The following INTS1 variants were observed in gnomAD, a reference collection of about 807,000 sequenced individuals.
The protein encoded by INTS1 is integrator complex subunit 1.
In INTS1, 137 loss-of-function variants were observed where a neutral mutation model predicts 241.6. The ratio of observed to expected loss-of-function variants is 0.57; its 90% CI spans 0.49 to 0.65. INTS1 has a LOEUF of 0.65. INTS1 is among the 30% of genes least tolerant of loss of function. The pLI is 0.00. For missense variants in INTS1, 3,073 were observed against 3,032.2 expected, an observed-to-expected ratio of 1.01 and a Z score of -0.32; for synonymous variants, 1,692 against 1,337.8, an observed-to-expected ratio of 1.26 and a Z score of -5.78.
intron 39 of INTS1, among the ~76,000 whole-genome samples, chr7:1,475,651 G>A (rs1039458332): frequency 2.0e-5 from 3 of 152,136 alleles, no homozygotes; most frequent in Admixed American, 6.5e-5. Context: ...CAAACTGAAC[G>A]TGACCCCACG....
At position 1,479,481 on chromosome 7, in the gene INTS1, G is replaced by A. The variant is rs1781888836; in HGVS notation, c.4278C>T (p.His1426=). Residue 1426 remains histidine (H), a synonymous_variant, in exon 31 of 48, where the codon CAC becomes CAT. Coordinates refer to ENST00000404767, the MANE Select transcript of INTS1 (RefSeq NM_001080453.3). ...PHGGALVMSM[H]RSHFLACPLL... is the part of the protein sequence containing the mutation. ...GCGGGCAGGCCAGGAAGTGGCTACG[G>A]TGCATGGACATCACCAGGGCACCGC... 6.3e-7 allele frequency: 1 copy of A among 1,577,900 alleles called. No individual in the cohort carries two copies. The highest frequency in any genetic ancestry group is 2.3e-5 in the East Asian group (1 of 42,904).
intron 18 of INTS1, 80 bp from the exon 19 acceptor site, chr7:1,488,037 G>C (rs1354945713): frequency 1.4e-6 from 2 of 1,464,870 alleles, no homozygotes; most frequent in Non-Finnish European, 1.9e-6. Context: ...GGGTCAAGGA[G>C]GGTAAAACCC....
Position 1,474,237 on chromosome 7 carries a change from C to A in INTS1, c.5760G>T (p.Pro1920=), listed in dbSNP as rs769069843. The A allele has an allele frequency of 6.2e-7, 1 of 1,602,186 alleles. No homozygotes were observed. Among genetic ancestry groups the A allele is most frequent in the South Asian group, 1.1e-5 (1 of 90,796 alleles). ...HVLGLLELLQ[P]HVFRSEHQGA... Reference sequence around the variant, plus strand: ...CCTGGTGCTCGCTGCGGAACACGTGCGGCTGCAGCAGCTCCAGCAGGCCCA... The same window carrying A: ...CCTGGTGCTCGCTGCGGAACACGTGAGGCTGCAGCAGCTCCAGCAGGCCCA... Residue 1920 remains proline, a synonymous_variant, in exon 41 of 48, where the codon CCG becomes CCT. Transcript: ENST00000404767.
rs1023746009 is a variant in INTS1, at chr7:1,482,861, T to C, written c.3542-154A>G. ...TCCTGTGCTAGGTGAGCACTTGCTA[T>C]GTGCGGATGCTTTGCGTAGGTGCAC... On this transcript the variant is annotated intron_variant, in intron 26 of 47. Coordinates refer to ENST00000404767, the MANE Select transcript of INTS1 (RefSeq NM_001080453.3). 9 of 832,822 alleles carry C rather than the reference T, an allele frequency of 1.1e-5. No homozygotes were observed. In the African/African-American group the frequency reaches 1.4e-4, roughly 13 times the overall value. 51.6% of individuals were successfully genotyped at this position (832,822 alleles called of 1,614,324 possible).
Position 1,497,364 on chromosome 7 carries a change from G to C in INTS1, c.1426-50C>G, listed in dbSNP as rs952612118. 1.3e-6 allele frequency: 2 copies of C among 1,560,932 alleles called. No individual in the cohort carries two copies. Among genetic ancestry groups the C allele is most frequent in the Non-Finnish European group, 1.7e-6 (2 of 1,151,894 alleles). On this transcript the variant is annotated intron_variant, in intron 10 of 47. Transcript: ENST00000404767. The surrounding 1 kb of genome is among the most constrained non-coding windows in gnomAD (Gnocchi z 5.3). ...GAGGCTGCCCGACAGTGCTGTCCCT[G>C]TCACAGGCCCCTTCCCGCAGCACCA... is the stretch of plus-strand genomic sequence containing the variant.
chr7:1,493,644 C>G lies in INTS1; in HGVS notation c.2068+110G>C, dbSNP rs575660809. The G allele has an allele frequency of 1.4e-6, 2 of 1,395,842 alleles. No homozygotes were observed. Among genetic ancestry groups the G allele is most frequent in the East Asian group, 5.2e-5 (2 of 38,738 alleles). The allele number at this position is 1,395,842 out of a possible 1,614,324, so 86.5% of individuals were successfully genotyped here. ...AGCCTCCCGGGGACCCAGGACCCAG[C>G]TGAAGCGCAGCTTTGTGGAGCGCCC... On this transcript the variant is annotated intron_variant, in intron 15 of 47. Transcript: ENST00000404767. This position sits in a 1 kb window ranked among gnomAD's most constrained non-coding sequence, Gnocchi z 5.3.
Position 1,471,923 on chromosome 7 carries a change from C to A in INTS1, c.6185-282G>T, listed in dbSNP as rs946943276. ...AGTGTCCCCACGGCCCGACTCCATC[C>A]GGGCCGCTCAGCCTTGGCTGTCCTC... On this transcript the variant is annotated intron_variant, in intron 44 of 47. Coordinates refer to ENST00000404767, the MANE Select transcript of INTS1 (RefSeq NM_001080453.3). 2.0e-5 allele frequency among the ~76,000 whole-genome samples: 3 copies of A among 152,220 alleles called. 1 individual carries two copies. Among genetic ancestry groups the A allele is most frequent in the Non-Finnish European group, 1.5e-5 (1 of 68,038 alleles).
At chr7:1,476,138 C>T in intron 38 of INTS1, 67 bp from the exon 39 acceptor site, 1 of 1,526,056 alleles carries the variant, frequency 6.6e-7, no homozygotes, top group Admixed American at 2.0e-5. Context: ...GTGGACGGGA[C>T]CAGGCGTGAT....
chr7:1,495,264 C>T (rs1782787882), intron 13 of INTS1, among the ~76,000 whole-genome samples, 169 bp downstream of exon 13: 1 of 152,206 alleles, frequency 6.6e-6, no homozygotes, highest in Admixed American at 6.5e-5. Flanking sequence ...GGGACAGACT[C>T]CCGTGTGGGG....
chr7:1,480,323 GA>G lies in INTS1; in HGVS notation c.4067del (p.Phe1356SerfsTer67). The G allele has an allele frequency of 1.2e-6, 2 of 1,607,466 alleles. No individual in the cohort carries two copies. Among genetic ancestry groups the G allele is most frequent in the Non-Finnish European group, 1.7e-6 (2 of 1,177,332 alleles). ...CATGCAGCAGCAACGCTACCTGGAG[GA>G]ACATGCCAGCCAGGTCGTCCTCAGG... ...LGPEDDLAGM[F>X]LQIFPLSPDP... On this transcript the variant is annotated frameshift_variant, in exon 30 of 48. Coordinates refer to ENST00000404767, the MANE Select transcript of INTS1 (RefSeq NM_001080453.3). LOFTEE classifies it high-confidence loss of function.
At position 1,472,357 on chromosome 7, in the gene INTS1, C is replaced by G; in HGVS notation, c.6100G>C (p.Val2034Leu). The change falls in exon 44 of 48, where the codon GTC becomes CTC. Residue 2034 changes from valine to leucine, a missense_variant. Val to Leu is a conservative substitution (Grantham distance 32, BLOSUM62 1). Transcript: ENST00000404767. ...EESSAGSLPL[V>L]SVSLFTPLTA... Reference sequence around the variant, plus strand: ...AGAGGGGTGAACAGGGAGACGCTGACCAGGGGCAAGGAGCCGGCTGAGCTC... The same window carrying G: ...AGAGGGGTGAACAGGGAGACGCTGAGCAGGGGCAAGGAGCCGGCTGAGCTC... The G allele has an allele frequency of 6.4e-7, 1 of 1,569,804 alleles. No homozygotes were observed. The highest frequency in any genetic ancestry group is 8.6e-7 in the Non-Finnish European group (1 of 1,157,646).
chr7:1,498,365 GC>G (rs1427625823), intron 10 of INTS1, 46 bp downstream of exon 10: 1 of 1,607,380 alleles, frequency 6.2e-7, no homozygotes, highest in East Asian at 2.2e-5. Flanking sequence ...CCAGCCCAGA[GC>G]CCCATATTCC....
intron 38 of INTS1, 64 bp downstream of exon 38, chr7:1,476,165 C>A: frequency 6.6e-7 from 1 of 1,526,532 alleles, no homozygotes; most frequent in South Asian, 1.2e-5. Flanking sequence ...CCACCCAGGG[C>A]TGGGCCTCGA....
rs772550520 is a variant in INTS1, at chr7:1,477,950, A to T, written c.4631-14T>A. 1.2e-6 allele frequency: 2 copies of T among 1,611,168 alleles called. No homozygotes were observed. The highest frequency in any genetic ancestry group is 2.7e-5 in the African/African-American group (2 of 74,920). ...GCCCCTGGAGGACTGCGCAAGGGAC[A>T]AAGAGACATGTGGGTCACTCCCAGG... On this transcript the variant is annotated splice_polypyrimidine_tract_variant and intron_variant, in intron 33 of 47. Coordinates refer to ENST00000404767, the MANE Select transcript of INTS1 (RefSeq NM_001080453.3).
intron 10 of INTS1, 70 bp downstream of exon 10, chr7:1,498,342 G>A (rs754982743): frequency 5.3e-5 from 84 of 1,581,028 alleles, no homozygotes; most frequent in East Asian, 1.1e-4. Context: ...CTCCCCAGAC[G>A]CCACGTGCCC....
In INTS1 at chr7:1,481,664, C is replaced by T. The variant is rs534759045; in HGVS notation, c.3704-176G>A. 2.0e-5 allele frequency among the ~76,000 whole-genome samples: 3 copies of T among 149,528 alleles called. No homozygotes were observed. In the East Asian group the frequency reaches 6.1e-4, roughly 30 times the overall value. ...GGCAGTGCACACTCGGCAGCCCCAC[C>T]TGAGACCCTGGGCCACGTGGGCTCG... is the stretch of plus-strand genomic sequence containing the variant. On this transcript the variant is annotated intron_variant, in intron 27 of 47. Transcript: ENST00000404767. The surrounding 1 kb of genome is among the most constrained non-coding windows in gnomAD (Gnocchi z 6.8).
chr7:1,487,789 G>T lies in INTS1; in HGVS notation c.2487C>A (p.Leu829=). The T allele has an allele frequency of 6.2e-7, 1 of 1,610,932 alleles. No homozygotes were observed. The highest frequency in any genetic ancestry group is 8.5e-7 in the Non-Finnish European group (1 of 1,179,800). ...GGTCCAGGCTGGTGAGCTGCGACAG[G>T]AGGAGGCTGCTGCTCTCAGTGATGG... is the stretch of plus-strand genomic sequence containing the variant. ...KQTITESSSL[L]LSQLTSLDPQ... is the part of the protein sequence containing the mutation. Residue 829 remains leucine, a synonymous_variant, in exon 19 of 48, where the codon CTC becomes CTA. Coordinates refer to ENST00000404767, the MANE Select transcript of INTS1 (RefSeq NM_001080453.3).
rs1782697851 is a variant in INTS1 at position 1,493,630 on chromosome 7, G to GA, written c.2068+123dup. On this transcript the variant is annotated intron_variant, in intron 15 of 47. Transcript: ENST00000404767. The surrounding 1 kb of genome is among the most constrained non-coding windows in gnomAD (Gnocchi z 5.3). Reference sequence around the variant, plus strand: ...AAGGCAGGTCCCCGAGCCTCCCGGGGACCCAGGACCCAGCTGAAGCGCAGC... The same window carrying GA: ...AAGGCAGGTCCCCGAGCCTCCCGGGGAACCCAGGACCCAGCTGAAGCGCAGC... 16 of 1,301,364 alleles carry GA rather than the reference G, an allele frequency of 1.2e-5. No individual in the cohort carries two copies. Among genetic ancestry groups the GA allele is most frequent in the African/African-American group, 1.5e-5 (1 of 66,392 alleles). 80.6% of individuals were successfully genotyped at this position (1,301,364 alleles called of 1,614,324 possible).
intron 3 of INTS1, chr7:1,501,093 T>A (rs1008792092): frequency 6.6e-6 from 1 of 152,092 alleles, no homozygotes; most frequent in African/African-American, 2.4e-5. Context: ...GAGACCAGCC[T>A]GGCCAATACA....
Sources: allele counts gnomAD v4.1 joint callset (sites outside exome capture counted in the v4.1 genomes callset), GRCh38; gene constraint gnomAD v4.1.1; non-coding constraint Gnocchi (gnomAD v3.1); transcripts MANE v1.5; gene names NCBI Gene and HGNC (gene_info 2026-07-23, HGNC 2026-07-21).